The following INSRR variants were observed in gnomAD, a reference collection of about 807,000 sequenced individuals.
INSRR encodes insulin receptor related receptor, also known as insulin receptor-related protein.
Under a neutral mutation model 130.0 loss-of-function variants are expected in INSRR, and 114 were observed. The ratio of observed to expected loss-of-function variants is 0.88; its 90% CI spans 0.75 to 1.02. INSRR has a LOEUF of 1.02. INSRR is among the 50% of genes least tolerant of loss of function. The probability of loss-of-function intolerance (pLI) is 0.00; values close to 1 mark genes in which losing one functional copy is unlikely to be tolerated. For synonymous variants in INSRR, 674 were observed against 705.2 expected (o/e 0.96, Z 0.70); for missense variants, 1,657 against 1,735.2 (o/e 0.95, Z 0.80).
intron 14 of INSRR, 37 bp from the exon 15 acceptor site, chr1:156,844,317 A>T (rs772592455): frequency 6.4e-5 from 102 of 1,582,856 alleles, no homozygotes; most frequent in Non-Finnish European, 8.6e-5. Flanking sequence ...AGAGTCAAAG[A>T]TGTAGAAGTC....
chr1:156,845,434 C>A lies in INSRR; in HGVS notation c.2175-21G>T. On this transcript the variant is annotated intron_variant, in intron 10 of 21. Coordinates refer to ENST00000368195, the MANE Select transcript of INSRR (RefSeq NM_014215.3). Reference sequence around the variant, plus strand: ...GGGATCTGGGGAGGCCAGGAGTAGCCCTATCAGGCCTGTCCGGATGCACCC... The same window carrying A: ...GGGATCTGGGGAGGCCAGGAGTAGCACTATCAGGCCTGTCCGGATGCACCC... The A allele has an allele frequency of 5.2e-6, 8 of 1,533,152 alleles. 1 individual carries two copies. The Middle Eastern group carries it at 1.4e-3, about 273-fold the overall frequency. The allele number at this position is 1,533,152 out of a possible 1,614,324, so 95.0% of individuals were successfully genotyped here.
In INSRR at chr1:156,852,291, A is replaced by T. The variant is rs1441538582; in HGVS notation, c.638-100T>A. 4 of 1,171,796 alleles carry T rather than the reference A, an allele frequency of 3.4e-6. No individual in the cohort carries two copies. In the East Asian group the frequency reaches 1.0e-4, roughly 29 times the overall value. The allele number at this position is 1,171,796 out of a possible 1,614,324, so 72.6% of individuals were successfully genotyped here. ...CCTGTTTCTCTTGGGATGACACTCAATCTGCACCCAGGTCCCTCCCATTCA... is the reference window on the plus strand; with the variant it reads ...CCTGTTTCTCTTGGGATGACACTCATTCTGCACCCAGGTCCCTCCCATTCA... On this transcript the variant is annotated intron_variant, in intron 2 of 21. Coordinates refer to ENST00000368195, the MANE Select transcript of INSRR (RefSeq NM_014215.3).
At position 156,851,420 on chromosome 1, in the gene INSRR, G is replaced by A. The variant is rs184000730; in HGVS notation, c.1099C>T (p.Gln367Ter). ...NLRQGYNLEP[Q>*]LQHSLGLVET... is the part of the protein sequence containing the mutation. ...ACCAGCCCCAGGCTGTGCTGCAGCT[G>A]TGGCTCCAGGTTGTCTAGGGATGGG... Residue 367 changes from glutamine to a stop codon, truncating the protein, a stop_gained, in exon 5 of 22, where the codon CAG (glutamine) becomes TAG (stop). Transcript: ENST00000368195. LOFTEE classifies it high-confidence loss of function. The A allele has an allele frequency of 6.2e-7, 1 of 1,614,176 alleles. No individual in the cohort carries two copies. Among genetic ancestry groups the A allele is most frequent in the East Asian group, 2.2e-5 (1 of 44,884 alleles).
chr1:156,857,281 C>T (rs1655444032), intron 1 of INSRR, among the ~76,000 whole-genome samples: 1 of 152,056 alleles, frequency 6.6e-6, no homozygotes, highest in Non-Finnish European at 1.5e-5. Context: ...ACTTCTATCC[C>T]TTCCAGGCAA....
At position 156,840,842 on chromosome 1, in the gene INSRR, A is replaced by G; in HGVS notation, c.*31T>C. The stretch of plus-strand genomic sequence containing the variant: ...AGGTCGGGTCCCTTCCTGTCTCCCC[A>G]TGGGAGGCCAGCCAGGGAATGAGGT... On this transcript the variant is annotated 3_prime_UTR_variant, in exon 22 of 22. Coordinates refer to ENST00000368195, the MANE Select transcript of INSRR (RefSeq NM_014215.3). 7 of 1,554,072 alleles carry G rather than the reference A, an allele frequency of 4.5e-6. No individual in the cohort carries two copies. The highest frequency in any genetic ancestry group is 1.8e-4 in the Middle Eastern group (1 of 5,434).
intron 8 of INSRR, 59 bp downstream of exon 8, chr1:156,846,460 C>T: frequency 7.3e-7 from 1 of 1,365,116 alleles, no homozygotes; most frequent in Non-Finnish European, 1.0e-6. Context: ...GGTGCCTGTG[C>T]TCCCCTGTTC....
At position 156,846,603 on chromosome 1, in the gene INSRR, G is replaced by A. The variant is rs762538907; in HGVS notation, c.1726C>T (p.Arg576Trp). The A allele has an allele frequency of 7.4e-6, 12 of 1,613,968 alleles. No homozygotes were observed. Among genetic ancestry groups the A allele is most frequent in the Admixed American group, 3.3e-5 (2 of 60,000 alleles). The change falls in exon 8 of 22, where the codon CGG (arginine) becomes TGG (tryptophan). Residue 576 changes from arginine (R) to tryptophan (W), a missense_variant. By Grantham distance (101) the Arg-to-Trp change is moderately radical. Coordinates refer to ENST00000368195, the MANE Select transcript of INSRR (RefSeq NM_014215.3). ...KPWTQYAVFV[R>W]AITLTTEEDS... is the part of the protein sequence containing the mutation. ...TCCTCAGTGGTTAGCGTGATGGCCC[G>A]CACAAACACTGCGTACTGTGTCCAA... is the stretch of plus-strand genomic sequence containing the variant.
intron 15 of INSRR, 21 bp from the exon 16 acceptor site, chr1:156,843,500 G>A (rs1209533420): frequency 6.2e-7 from 1 of 1,613,630 alleles, no homozygotes; most frequent in East Asian, 2.2e-5. Context: ...AGGTGAGGGG[G>A]TCAGGCTGGA....
chr1:156,845,170 C>T lies in INSRR; in HGVS notation c.2343G>A (p.Thr781=), dbSNP rs1307680533. ...AGGCATGGATGTCGATCCGGTATTC[C>T]GTGAAGTGGCGCAGGCCGCTCAGCA... The part of the protein sequence containing the change: ...RAVLSGLRHF[T]EYRIDIHACN... The change falls in exon 12 of 22, where the codon ACG becomes ACA. Residue 781 remains threonine, a synonymous_variant. Coordinates refer to ENST00000368195, the MANE Select transcript of INSRR (RefSeq NM_014215.3). The T allele has an allele frequency of 1.9e-6, 3 of 1,610,878 alleles. No individual in the cohort carries two copies. The Admixed American group carries it at 5.0e-5, about 27-fold the overall frequency.
Position 156,840,523 on chromosome 1 carries a change from A to C in INSRR, c.*350T>G. ...AACATGTCGCTGGCCCTACCTGTCCAGAGGAGACCCCAAACTGAGGGGCAG... is the reference window on the plus strand; with the variant it reads ...AACATGTCGCTGGCCCTACCTGTCCCGAGGAGACCCCAAACTGAGGGGCAG... On this transcript the variant is annotated 3_prime_UTR_variant, in exon 22 of 22. Transcript: ENST00000368195. 3.2e-6 allele frequency: 1 copy of C among 311,770 alleles called. No homozygotes were observed. Among genetic ancestry groups the C allele is most frequent in the Non-Finnish European group, 6.1e-6 (1 of 164,478 alleles). 19.3% of individuals were successfully genotyped at this position (311,770 alleles called of 1,614,324 possible). A position where few individuals can be genotyped will look rare whatever the true frequency, so the allele number is the denominator to read the frequency against.
At chr1:156,852,308 T>A in intron 2 of INSRR, 117 bp from the exon 3 acceptor site, 1 of 1,013,732 alleles carries the variant, frequency 9.9e-7, no homozygotes, top group Non-Finnish European at 1.4e-6. Context: ...CCCAGGTCCC[T>A]CCCATTCAGA....
chr1:156,848,576 C>T (rs1284503210), intron 7 of INSRR, among the ~76,000 whole-genome samples: 1 of 152,194 alleles, frequency 6.6e-6, no homozygotes, highest in Non-Finnish European at 1.5e-5. Flanking sequence ...AATTAGTGGG[C>T]GCTCCCCAAA....
In INSRR at chr1:156,845,199, C is replaced by A; in HGVS notation, c.2314G>T (p.Ala772Ser). ...AAGTGGCGCAGGCCGCTCAGCACCGCTCGCTCACGGGGCACCTTGTCCTCC... is the reference window on the plus strand; with the variant it reads ...AAGTGGCGCAGGCCGCTCAGCACCGATCGCTCACGGGGCACCTTGTCCTCC... ...IQEDKVPRER[A>S]VLSGLRHFTE... The change falls in exon 12 of 22, where the codon GCG becomes TCG. Residue 772 changes from alanine (A) to serine (S), a missense_variant. Ala to Ser is a moderately conservative substitution (Grantham distance 99, BLOSUM62 1). Transcript: ENST00000368195. 6.2e-7 allele frequency: 1 copy of A among 1,609,688 alleles called. No individual in the cohort carries two copies.
At chr1:156,841,860 TG>T (rs1654802135) in intron 19 of INSRR, 66 bp from the exon 20 acceptor site, 1 of 1,611,992 alleles carries the variant, frequency 6.2e-7, no homozygotes, top group African/African-American at 1.3e-5. Context: ...CTCCTGCCCC[TG>T]GGATACCTCT....
chr1:156,855,817 C>G (rs547641259), intron 1 of INSRR, among the ~76,000 whole-genome samples: 25 of 151,812 alleles, frequency 1.6e-4, no homozygotes, highest in Non-Finnish European at 3.4e-4. Context: ...AGAGTGAGAC[C>G]CTGTCTAAAA....
At position 156,858,613 on chromosome 1, in the gene INSRR, C is replaced by A; in HGVS notation, c.9G>T (p.Val3=). Residue 3 remains valine (V), a synonymous_variant, in exon 1 of 22, where the codon GTG becomes GTT. Transcript: ENST00000368195. MA[V]PSLWPWGACL... ...ATGCTCCCCAGGGCCACAGACTAGG[C>A]ACTGCCATTGTCCCAGCCCTGGCTT... 14 of 1,614,022 alleles carry A rather than the reference C, an allele frequency of 8.7e-6. No individual in the cohort carries two copies. The highest frequency in any genetic ancestry group is 1.2e-5 in the Non-Finnish European group (14 of 1,179,938).
chr1:156,849,487 T>TGG, intron 5 of INSRR, 27 bp from the exon 6 acceptor site: 1 of 379,342 alleles, frequency 2.6e-6, no homozygotes, highest in Non-Finnish European at 4.7e-6. Flanking sequence ...GACCTTGCTC[T>TGG]GCGGGGAGGT....
chr1:156,842,584 C>A, intron 17 of INSRR, 76 bp from the exon 18 acceptor site: 1 of 1,089,156 alleles, frequency 9.2e-7, no homozygotes, highest in Non-Finnish European at 1.4e-6. Context: ...TCTGCTATGA[C>A]CACAGTCTGA....
Position 156,845,985 on chromosome 1 carries a change from C to A in INSRR, c.1945G>T (p.Gly649Cys). The A allele has an allele frequency of 6.2e-7, 1 of 1,613,530 alleles. No homozygotes were observed. The highest frequency in any genetic ancestry group is 8.5e-7 in the Non-Finnish European group (1 of 1,179,772). The change falls in exon 9 of 22, where the codon GGC becomes TGC. Residue 649 changes from glycine to cysteine, a missense_variant. By Grantham distance (159) the Gly-to-Cys change is radical. Coordinates refer to ENST00000368195, the MANE Select transcript of INSRR (RefSeq NM_014215.3). The part of the protein sequence containing the change: ...LVLWQRLAED[G>C]DLYLNDYCHR... The stretch of plus-strand genomic sequence containing the variant: ...CAGTAGTCATTGAGGTAGAGGTCGC[C>A]GTCCTCTGCCAGCCGCTGCCACAGC...
Sources: gnomAD v4.1 joint callset for allele counts (sites outside exome capture counted in the v4.1 genomes callset) on GRCh38, gnomAD v4.1.1 for gene constraint, MANE v1.5 for transcripts, NCBI Gene and HGNC (gene_info 2026-07-23, HGNC 2026-07-21) for gene names.